Variants in RASGRF2 observed in about 807,000 individuals in gnomAD.
The protein encoded by RASGRF2 is Ras protein specific guanine nucleotide releasing factor 2, also known as ras-specific guanine nucleotide-releasing factor 2.
Under a neutral mutation model 151.0 loss-of-function variants are expected in RASGRF2, and 76 were observed. That is an observed-to-expected ratio of 0.50 (90% confidence interval 0.42 to 0.61). The LOEUF is 0.61. Among genes scored for constraint, RASGRF2 ranks in the 20% least tolerant of loss-of-function variants. The probability of loss-of-function intolerance (pLI) is 0.00; values close to 1 mark genes in which losing one functional copy is unlikely to be tolerated. For missense variants in RASGRF2, 1,148 were observed against 1,564.6 expected (o/e 0.73, Z 4.49); for synonymous variants, 504 against 566.5 (o/e 0.89, Z 1.57).
At chr5:81,165,495 A>G (rs374581458) in intron 17 of RASGRF2, among the ~76,000 whole-genome samples, 11 of 152,272 alleles carry the variant, frequency 7.2e-5, no homozygotes, top group Admixed American at 2.0e-4. Flanking sequence ...ATTCTTTTCA[A>G]TTCTTGAATT....
intron 16 of RASGRF2, among the ~76,000 whole-genome samples, chr5:81,126,175 G>T (rs1165388257): frequency 6.6e-6 from 1 of 152,230 alleles, no homozygotes; most frequent in Non-Finnish European, 1.5e-5. Context: ...CAGCGAGCTT[G>T]GCACCAGCAC....
At chr5:81,051,191 C>A (rs1750997680) in intron 2 of RASGRF2, among the ~76,000 whole-genome samples, 1 of 152,036 alleles carries the variant, frequency 6.6e-6, no homozygotes, top group Non-Finnish European at 1.5e-5. Flanking sequence ...GTTCAAATCA[C>A]CCTGCATCAT....
chr5:81,133,831 T>C (rs552540779), intron 17 of RASGRF2, among the ~76,000 whole-genome samples: 3 of 152,362 alleles, frequency 2.0e-5, no homozygotes, highest in African/African-American at 7.2e-5. Flanking sequence ...AGTTACCTGG[T>C]ACTTGTAAAG....
At chr5:81,102,715 A>G (rs1252636122) in intron 12 of RASGRF2, among the ~76,000 whole-genome samples, 2 of 151,900 alleles carry the variant, frequency 1.3e-5, no homozygotes, top group Non-Finnish European at 2.9e-5. Context: ...AAAAAAAAGA[A>G]TGTGTCTGTG....
chr5:81,024,575 CCT>C (rs1296117448), intron 1 of RASGRF2, among the ~76,000 whole-genome samples: 7 of 152,072 alleles, frequency 4.6e-5, no homozygotes, highest in Non-Finnish European at 8.8e-5. Context: ...TGATTATTGA[CCT>C]GAGGATTTTT....
intron 1 of RASGRF2, among the ~76,000 whole-genome samples, chr5:81,029,271 A>G (rs1750150226): frequency 6.6e-6 from 1 of 152,170 alleles, no homozygotes; most frequent in East Asian, 1.9e-4. Flanking sequence ...AGACTTAAAC[A>G]TCCCTGTCTG....
At chr5:81,046,965 G>A (rs1750854607) in intron 2 of RASGRF2, among the ~76,000 whole-genome samples, 1 of 152,082 alleles carries the variant, frequency 6.6e-6, no homozygotes, top group African/African-American at 2.4e-5. Context: ...ATGACATTTG[G>A]GAAGAAACGA....
At chr5:81,020,778 G>T (rs1428576190) in intron 1 of RASGRF2, among the ~76,000 whole-genome samples, 1 of 152,154 alleles carries the variant, frequency 6.6e-6, no homozygotes, top group African/African-American at 2.4e-5. Flanking sequence ...ATCAAAATAT[G>T]TCAAGACAAA....
intron 1 of RASGRF2, among the ~76,000 whole-genome samples, chr5:81,007,640 T>G (rs1247559238): frequency 6.6e-6 from 1 of 152,194 alleles, no homozygotes; most frequent in Non-Finnish European, 1.5e-5. Flanking sequence ...GGGTGGTCCT[T>G]GCATTTATGG....
chr5:81,107,990 A>G (rs140584100), intron 12 of RASGRF2, among the ~76,000 whole-genome samples: 1 of 152,244 alleles, frequency 6.6e-6, no homozygotes, highest in Non-Finnish European at 1.5e-5. Flanking sequence ...AAGTAGACTG[A>G]ATAGTCAGAA....
intron 1 of RASGRF2, among the ~76,000 whole-genome samples, chr5:81,021,947 T>C (rs1186331997): frequency 6.6e-6 from 1 of 151,976 alleles, no homozygotes. Flanking sequence ...GGTGAAAAAA[T>C]TGCATTCTTG....
chr5:81,170,760 A>G (rs1754640950), intron 17 of RASGRF2, among the ~76,000 whole-genome samples: 1 of 152,180 alleles, frequency 6.6e-6, no homozygotes, highest in African/African-American at 2.4e-5. Context: ...TTGCTTATAG[A>G]TAATAATAGC....
At chr5:81,055,073 C>T (rs1388969316) in intron 2 of RASGRF2, among the ~76,000 whole-genome samples, 4 of 152,172 alleles carry the variant, frequency 2.6e-5, no homozygotes, top group Admixed American at 2.0e-4. Flanking sequence ...CATCTGCAAA[C>T]GGGGACAATT....
chr5:81,229,188 A>G lies in RASGRF2; in HGVS notation c.*3418A>G, dbSNP rs947029976. On this transcript the variant is annotated 3_prime_UTR_variant, in exon 27 of 27. Transcript: ENST00000265080. ...TTCAAAGTTTGATTTTATCCCCTTG[A>G]AAAAAAATCTCTTCACTTTAAAGTA... 5.9e-5 allele frequency: 9 copies of G among 151,866 alleles called. No homozygotes were observed. The highest frequency in any genetic ancestry group is 1.9e-4 in the African/African-American group (8 of 41,322). 9.4% of individuals were successfully genotyped at this position (151,866 alleles called of 1,614,324 possible). A position where few individuals can be genotyped will look rare whatever the true frequency, so the allele number is the denominator to read the frequency against.
intron 17 of RASGRF2, among the ~76,000 whole-genome samples, chr5:81,175,351 T>C (rs1189822953): frequency 6.6e-6 from 1 of 152,226 alleles, no homozygotes; most frequent in Non-Finnish European, 1.5e-5. Context: ...TAAATCTTAA[T>C]GATCTTTCCA....
chr5:81,000,425 T>A (rs1749042278), intron 1 of RASGRF2, among the ~76,000 whole-genome samples: 1 of 152,166 alleles, frequency 6.6e-6, no homozygotes, highest in African/African-American at 2.4e-5. Context: ...TATTTTTTAG[T>A]AGAGACGGGG....
chr5:81,004,922 A>G (rs1217349094), intron 1 of RASGRF2, among the ~76,000 whole-genome samples: 7 of 152,098 alleles, frequency 4.6e-5, no homozygotes, highest in Admixed American at 4.6e-4. Context: ...TGATATTAGC[A>G]TTTGTTTTCA....
At chr5:81,151,818 A>G (rs1754142182) in intron 17 of RASGRF2, among the ~76,000 whole-genome samples, 1 of 152,142 alleles carries the variant, frequency 6.6e-6, no homozygotes, top group Non-Finnish European at 1.5e-5. Context: ...TATTGGTGCT[A>G]TGATCATGTA....
intron 18 of RASGRF2, among the ~76,000 whole-genome samples, chr5:81,188,315 C>A (rs145206273): frequency 1.3e-5 from 2 of 152,210 alleles, no homozygotes; most frequent in African/African-American, 4.8e-5. Context: ...GTGAATAGGG[C>A]TTTTGTCCCC....
Sources: allele counts gnomAD v4.1 joint callset (sites outside exome capture counted in the v4.1 genomes callset), GRCh38; gene constraint gnomAD v4.1.1; transcripts MANE v1.5; gene names NCBI Gene and HGNC (gene_info 2026-07-23, HGNC 2026-07-21).